Variants in ANKS1B observed in about 807,000 individuals in gnomAD.
The protein encoded by ANKS1B is ankyrin repeat and sterile alpha motif domain containing 1B.
A neutral mutation model predicts 148.3 loss-of-function variants in ANKS1B; 36 were observed. The observed-to-expected ratio is 0.24, with a 90% CI of 0.19 to 0.32. ANKS1B has a LOEUF of 0.32. ANKS1B is among the 10% of genes least tolerant of loss of function. The pLI is 1.00. For synonymous variants in ANKS1B, 542 were observed against 560.8 expected (o/e 0.97, Z 0.47); for missense variants, 1,157 against 1,542.6 (o/e 0.75, Z 4.19).
chr12:98,820,367 A>T (rs1040066432), intron 19 of ANKS1B, among the ~76,000 whole-genome samples: 3 of 152,204 alleles, frequency 2.0e-5, no homozygotes, highest in Admixed American at 2.0e-4. Flanking sequence ...GATGCCGATG[A>T]ATCACCAGGC....
chr12:98,996,890 A>G (rs754241832), intron 17 of ANKS1B, among the ~76,000 whole-genome samples: 1 of 150,930 alleles, frequency 6.6e-6, no homozygotes, highest in Non-Finnish European at 1.5e-5. Context: ...TTGATAACTG[A>G]AGTAAAGACC....
intron 12 of ANKS1B, among the ~76,000 whole-genome samples, chr12:99,389,298 C>T (rs745892035): frequency 1.3e-5 from 2 of 152,168 alleles, no homozygotes; most frequent in African/African-American, 2.4e-5. Context: ...GAGGCACCCA[C>T]CCAACATAGA....
chr12:99,945,175 C>T (rs12316302), intron 1 of ANKS1B, among the ~76,000 whole-genome samples: 1 of 151,978 alleles, frequency 6.6e-6, no homozygotes, highest in Non-Finnish European at 1.5e-5. Flanking sequence ...AGGTGATGTG[C>T]TATGGGGACT....
chr12:99,503,813 C>A lies in ANKS1B; in HGVS notation c.1438+663G>T, dbSNP rs116069201. Among the ~76,000 whole-genome samples the A allele has an allele frequency of 2.0e-3, 297 of 152,098 alleles. 1 individual carries two copies. Among genetic ancestry groups the A allele is most frequent in the African/African-American group, 6.8e-3 (281 of 41,536 alleles). ...TTCAGAATTTTTCTTACAACTCCTTCACAGCATTAAATATATTGACCATCC... is the reference window on the plus strand; with the variant it reads ...TTCAGAATTTTTCTTACAACTCCTTAACAGCATTAAATATATTGACCATCC... On this transcript the variant is annotated intron_variant, in intron 10 of 26. Transcript: ENST00000683438.
At chr12:99,565,126 A>G (rs2097374918) in intron 9 of ANKS1B, among the ~76,000 whole-genome samples, 1 of 152,220 alleles carries the variant, frequency 6.6e-6, no homozygotes, top group Admixed American at 6.5e-5. Flanking sequence ...TTCTAAATTG[A>G]TCAGAATTAT....
At chr12:99,729,367 A>T (rs1441349194) in intron 8 of ANKS1B, among the ~76,000 whole-genome samples, 1 of 152,140 alleles carries the variant, frequency 6.6e-6, no homozygotes, top group East Asian at 1.9e-4. Flanking sequence ...AGTAGTTTGT[A>T]AGTAATGAAG....
At chr12:99,081,576 A>G (rs892205251) in intron 16 of ANKS1B, among the ~76,000 whole-genome samples, 3 of 152,184 alleles carry the variant, frequency 2.0e-5, no homozygotes, top group South Asian at 2.1e-4. Flanking sequence ...GTGCTGCTCA[A>G]TGTGCGTCTG....
chr12:99,555,270 C>T (rs2097264148), intron 9 of ANKS1B, among the ~76,000 whole-genome samples: 1 of 152,066 alleles, frequency 6.6e-6, no homozygotes, highest in African/African-American at 2.4e-5. Context: ...TTTACATTCC[C>T]ACAAGCAGTA....
At chr12:99,151,572 T>C (rs1190591470) in intron 15 of ANKS1B, among the ~76,000 whole-genome samples, 2 of 151,916 alleles carry the variant, frequency 1.3e-5, no homozygotes, top group Non-Finnish European at 2.9e-5. Context: ...GGGTCTTTCT[T>C]TTCTAACCAT....
chr12:99,446,654 T>A (rs1257021627), intron 10 of ANKS1B, among the ~76,000 whole-genome samples: 6 of 152,042 alleles, frequency 3.9e-5, no homozygotes, highest in Non-Finnish European at 8.8e-5. Context: ...ATGATTGGGT[T>A]CATAGAAACA....
At chr12:98,947,259 T>C (rs1188416671) in intron 17 of ANKS1B, among the ~76,000 whole-genome samples, 1 of 152,090 alleles carries the variant, frequency 6.6e-6, no homozygotes, top group African/African-American at 2.4e-5. Context: ...GCTACTGTGT[T>C]GGGAAAGGAT....
At chr12:99,448,711 T>A (rs1014617177) in intron 10 of ANKS1B, among the ~76,000 whole-genome samples, 2 of 152,078 alleles carry the variant, frequency 1.3e-5, no homozygotes, top group African/African-American at 4.8e-5. Flanking sequence ...TTAAAAATAA[T>A]TAAATTTTTT....
chr12:98,969,122 G>C (rs2099881062), intron 17 of ANKS1B, among the ~76,000 whole-genome samples: 1 of 152,196 alleles, frequency 6.6e-6, no homozygotes, highest in Non-Finnish European at 1.5e-5. Context: ...CTGCCGCCTG[G>C]ATGGGGAAGG....
intron 9 of ANKS1B, among the ~76,000 whole-genome samples, chr12:99,628,491 T>C (rs540221185): frequency 6.6e-5 from 10 of 152,350 alleles, no homozygotes; most frequent in Admixed American, 5.2e-4. Context: ...TTTTAAATTA[T>C]TGTCCACAGC....
In ANKS1B at chr12:99,450,711, A is replaced by C. The variant is rs191060842; in HGVS notation, c.1439-6902T>G. On this transcript the variant is annotated intron_variant, in intron 10 of 26. Transcript: ENST00000683438. ...CTTCCAGACTAGGTTATATTTTTGCATAAAGTCATATTTCTCTCTATATAG... is the reference window on the plus strand; with the variant it reads ...CTTCCAGACTAGGTTATATTTTTGCCTAAAGTCATATTTCTCTCTATATAG... Among the ~76,000 whole-genome samples the C allele has an allele frequency of 2.2e-3, 339 of 152,322 alleles. 1 individual carries two copies. Among genetic ancestry groups the C allele is most frequent in the African/African-American group, 7.9e-3 (330 of 41,584 alleles).
Position 99,893,786 on chromosome 12 carries a change from A to C in ANKS1B, c.135-68397T>G, listed in dbSNP as rs565913595. ...TAATTCACTTAGAATAATCGTTTCC[A>C]GCTGCAACCATGTTGCCTCAAAGGA... is the stretch of plus-strand genomic sequence containing the variant. On this transcript the variant is annotated intron_variant, in intron 1 of 26. Transcript: ENST00000683438. 2.0e-5 allele frequency among the ~76,000 whole-genome samples: 3 copies of C among 152,310 alleles called. No individual in the cohort carries two copies. The South Asian group carries it at 6.2e-4, about 32-fold the overall frequency.
chr12:99,654,981 G>T, intron 9 of ANKS1B, 86 bp downstream of exon 9: 1 of 1,396,232 alleles, frequency 7.2e-7, no homozygotes, highest in South Asian at 1.6e-5. Context: ...ATCCTAATTT[G>T]ATTTTCGAAG....
intron 1 of ANKS1B, among the ~76,000 whole-genome samples, chr12:99,936,029 C>G (rs2153812245): frequency 6.6e-6 from 1 of 152,224 alleles, no homozygotes; most frequent in East Asian, 1.9e-4. Context: ...GGGGAAATGC[C>G]AGATGTTTAT....
chr12:99,731,017 A>G (rs1010183314), intron 8 of ANKS1B, among the ~76,000 whole-genome samples: 8 of 151,752 alleles, frequency 5.3e-5, no homozygotes, highest in Non-Finnish European at 1.2e-4. Context: ...GCTCACTGCA[A>G]CCTCCACCTC....
Sources: gnomAD v4.1 joint callset for allele counts (sites outside exome capture counted in the v4.1 genomes callset) on GRCh38, gnomAD v4.1.1 for gene constraint, MANE v1.5 for transcripts, NCBI Gene and HGNC (gene_info 2026-07-23, HGNC 2026-07-21) for gene names.